ZFHX3: variants seen among roughly 807,000 people sequenced by gnomAD.
ZFHX3 encodes the protein zinc finger homeobox protein 3.
Under a neutral mutation model 279.1 loss-of-function variants are expected in ZFHX3, and 42 were observed. That is an observed-to-expected ratio of 0.15 (90% CI 0.12 to 0.19). The LOEUF (loss-of-function observed/expected upper bound fraction) is 0.19, where lower values mean the gene tolerates loss of function less well. ZFHX3 is among the 10% of genes least tolerant of loss of function. ZFHX3 has a pLI of 1.00. For synonymous variants in ZFHX3, 2,293 were observed against 1,957.8 expected, an observed-to-expected ratio of 1.17 and a Z score of -4.52; for missense variants, 4,981 against 4,754.0, an observed-to-expected ratio of 1.05 and a Z score of -1.40.
Position 73,168,208 on chromosome 16 carries a change from TTG to T in ZFHX3, c.-1103-24379_-1103-24378del, listed in dbSNP as rs1348777128. ...CAGCCTTTTAACACTATAGTTTCTT[TTG>T]TTTTCTTTCTTTCTTTCTTTCTTTC... On this transcript the variant is annotated intron_variant, in intron 5 of 17. Transcript: ENST00000641206. Among the ~76,000 whole-genome samples, 52 of 148,682 alleles carry T rather than the reference TTG, an allele frequency of 3.5e-4. 1 individual carries two copies. Among genetic ancestry groups the T allele is most frequent in the Admixed American group, 2.9e-3 (43 of 14,984 alleles).
At chr16:73,546,551 T>C (rs1452266066) in intron 2 of ZFHX3, among the ~76,000 whole-genome samples, 1 of 152,090 alleles carries the variant, frequency 6.6e-6, no homozygotes, top group Non-Finnish European at 1.5e-5. Context: ...GCATTTTTGC[T>C]AATGAAAGCG....
At chr16:73,507,273 A>G (rs1005982848) in intron 2 of ZFHX3, among the ~76,000 whole-genome samples, 1 of 152,224 alleles carries the variant, frequency 6.6e-6, no homozygotes, top group African/African-American at 2.4e-5. Flanking sequence ...CATCCGGAAT[A>G]GACTGTGCTT....
At position 73,206,812 on chromosome 16, in the gene ZFHX3, T is replaced by C. The variant is rs562179196; in HGVS notation, c.-1104+50235A>G. On this transcript the variant is annotated intron_variant, in intron 5 of 17. Transcript: ENST00000641206. ...GCGGGTGGATCACTTGGGGTCAGGA[T>C]TTCAAGACCAGCCTGGCCAACATGG... Among the ~76,000 whole-genome samples the C allele has an allele frequency of 4.3e-4, 66 of 151,916 alleles. 3 individuals carry two copies. The highest frequency in any genetic ancestry group is 1.6e-3 in the Admixed American group (25 of 15,252).
intron 4 of ZFHX3, among the ~76,000 whole-genome samples, chr16:72,832,038 A>G (rs2037072812): frequency 6.6e-6 from 1 of 152,190 alleles, no homozygotes; most frequent in African/African-American, 2.4e-5. Flanking sequence ...CATACATATG[A>G]CCACCTTAGA....
chr16:73,082,341 C>T (rs1462837554), intron 8 of ZFHX3, among the ~76,000 whole-genome samples: 1 of 152,088 alleles, frequency 6.6e-6, no homozygotes, highest in Non-Finnish European at 1.5e-5. Context: ...GATCTTGGCT[C>T]ACTGCAAGCT....
In ZFHX3 at chr16:73,074,689, C is replaced by T. The variant is rs369893513; in HGVS notation, c.-532-15677G>A. Among the ~76,000 whole-genome samples, 15 of 143,418 alleles carry T rather than the reference C, an allele frequency of 1.0e-4. No individual in the cohort carries two copies. In the East Asian group the frequency reaches 1.4e-3, roughly 14 times the overall value. The allele number at this position is 143,418 out of a possible 152,430, so 94.1% of individuals were successfully genotyped here. ...TGGGCATACAGACATGCTTAACCAA[C>T]GAGGAAGGAGGGAAGGGAGGGAGGG... is the stretch of plus-strand genomic sequence containing the variant. On this transcript the variant is annotated intron_variant, in intron 8 of 17. Transcript: ENST00000641206.
intron 5 of ZFHX3, among the ~76,000 whole-genome samples, chr16:73,181,066 C>G (rs1265011774): frequency 2.3e-5 from 3 of 127,908 alleles, no homozygotes; most frequent in Admixed American, 1.6e-4. Flanking sequence ...AAGGCTGCAG[C>G]TAGTTTTTTT....
chr16:73,140,048 G>A (rs576147103), intron 6 of ZFHX3, among the ~76,000 whole-genome samples: 4 of 152,060 alleles, frequency 2.6e-5, no homozygotes, highest in African/African-American at 4.8e-5. Context: ...TGGGAGAATC[G>A]TTGAGGCCAC....
At chr16:73,343,267 G>T (rs376346089) in intron 3 of ZFHX3, among the ~76,000 whole-genome samples, 1 of 151,614 alleles carries the variant, frequency 6.6e-6, no homozygotes, top group African/African-American at 2.4e-5. Flanking sequence ...CATTAAAAGA[G>T]TCTTGAATTA....
chr16:72,879,673 G>A (rs942211813), intron 4 of ZFHX3, among the ~76,000 whole-genome samples: 5 of 152,166 alleles, frequency 3.3e-5, no homozygotes, highest in East Asian at 1.9e-4. Flanking sequence ...TGATCCGCCC[G>A]CCTCGGCCTC....
chr16:73,215,878 C>T (rs188130583), intron 5 of ZFHX3, among the ~76,000 whole-genome samples: 35 of 151,634 alleles, frequency 2.3e-4, no homozygotes, highest in East Asian at 9.7e-4. Flanking sequence ...TGTGCATGGA[C>T]GTGTGTGTGT....
intron 3 of ZFHX3, among the ~76,000 whole-genome samples, chr16:73,416,837 G>GCACTCCA (rs900951396): frequency 6.6e-6 from 1 of 151,430 alleles, no homozygotes; most frequent in African/African-American, 2.4e-5. Context: ...TCGCGCCACT[G>GCACTCCA]CACTCCAGCC....
At chr16:72,878,959 G>A (rs1295918212) in intron 4 of ZFHX3, among the ~76,000 whole-genome samples, 1 of 152,190 alleles carries the variant, frequency 6.6e-6, no homozygotes, top group African/African-American at 2.4e-5. Flanking sequence ...TGCCAGGAAG[G>A]GTCCGAGTTC....
rs376855525 is a variant in ZFHX3, at chr16:72,959,211, T to C, written c.935A>G (p.Asp312Gly). 6.2e-7 allele frequency: 1 copy of C among 1,614,210 alleles called. No individual in the cohort carries two copies. The highest frequency in any genetic ancestry group is 1.1e-5 in the South Asian group (1 of 91,080). Residue 312 changes from aspartate to glycine, a missense_variant, in exon 2 of 10, where the codon GAC (aspartate) becomes GGC (glycine). Physicochemically the swap from Asp to Gly is moderately conservative, Grantham distance 94. Transcript: ENST00000268489. ...CTTATTGCTAAGAATTTTCCGCTCG[T>C]CTTCGCTCAGGGTCATTCGATGGTC... Reference protein sequence around the residue: ...VHDHRMTLSEDERKILSNKNI... With the variant: ...VHDHRMTLSEGERKILSNKNI...
intron 2 of ZFHX3, among the ~76,000 whole-genome samples, chr16:73,575,726 A>C (rs950411683): frequency 2.6e-5 from 4 of 152,074 alleles, no homozygotes; most frequent in African/African-American, 9.6e-5. Flanking sequence ...CTTTCTCTGG[A>C]CGAGGGCTTG....
intron 3 of ZFHX3, among the ~76,000 whole-genome samples, chr16:73,437,234 A>T (rs1224440754): frequency 6.6e-6 from 1 of 152,234 alleles, no homozygotes; most frequent in African/African-American, 2.4e-5. Flanking sequence ...GAAAAAACTT[A>T]GGGCCAGAGA....
At position 72,811,717 on chromosome 16, in the gene ZFHX3, C is replaced by T; in HGVS notation, c.3724G>A (p.Ala1242Thr). 1 of 1,614,080 alleles carries T rather than the reference C, an allele frequency of 6.2e-7. No individual in the cohort carries two copies. Among genetic ancestry groups the T allele is most frequent in the South Asian group, 1.1e-5 (1 of 91,074 alleles). The change falls in exon 7 of 10, where the codon GCC becomes ACC. Residue 1242 changes from alanine to threonine, a missense_variant. Physicochemically the swap from Ala to Thr is moderately conservative, Grantham distance 58. This residue lies in a region of ZFHX3 where 1,751 missense variants were observed against 1,770.0 expected (regional missense o/e 0.99). Transcript: ENST00000268489. ...NADVNRLRVH[A>T]MTQHSVQPML... is the part of the protein sequence containing the mutation. ...GGTTGCACCGAGTGCTGCGTCATGG[C>T]ATGCACCCGGAGCCGGTTGACATCG...
chr16:72,935,048 T>G (rs538973838), intron 3 of ZFHX3, among the ~76,000 whole-genome samples: 14 of 152,350 alleles, frequency 9.2e-5, no homozygotes, highest in African/African-American at 3.4e-4. Context: ...ACAATTTCTG[T>G]TTTAGTCAAA....
chr16:73,207,810 A>G (rs1597220354), intron 5 of ZFHX3, among the ~76,000 whole-genome samples: 1 of 152,006 alleles, frequency 6.6e-6, no homozygotes, highest in Non-Finnish European at 1.5e-5. Flanking sequence ...CAGAGAGAAA[A>G]CCCAGTACTG....
Sources: gnomAD v4.1 joint callset for allele counts (sites outside exome capture counted in the v4.1 genomes callset) on GRCh38, gnomAD v4.1.1 for gene constraint, gnomAD v4.1.1 regional missense constraint, MANE v1.5 for transcripts, NCBI Gene and HGNC (gene_info 2026-07-23, HGNC 2026-07-21) for gene names.